The following PFKFB2 variants were observed in gnomAD, a reference collection of about 807,000 sequenced individuals.
The protein encoded by PFKFB2 is 6-phosphofructo-2-kinase/fructose-2,6-biphosphatase 2.
Under a neutral mutation model 68.0 loss-of-function variants are expected in PFKFB2, and 53 were observed. The observed-to-expected ratio is 0.78, with a 90% CI of 0.63 to 0.98. The LOEUF (loss-of-function observed/expected upper bound fraction) is 0.98, where lower values mean the gene tolerates loss of function less well. Ranked by LOEUF, PFKFB2 falls within the 50% of genes least tolerant of loss-of-function variation. PFKFB2 has a pLI of 0.00. For missense variants in PFKFB2, 451 were observed against 642.0 expected, an observed-to-expected ratio of 0.70 and a Z score of 3.22; for synonymous variants, 222 against 227.6, an observed-to-expected ratio of 0.98 and a Z score of 0.22.
chr1:207,050,482 C>T (rs1205875328), upstream of PFKFB2, among the ~76,000 whole-genome samples: 1 of 152,164 alleles, frequency 6.6e-6, no homozygotes, highest in Non-Finnish European at 1.5e-5. Context: ...TTTGGGTTCC[C>T]TTTCAACCCT....
At chr1:207,062,363 C>T (rs1683145234) in intron 3 of PFKFB2, among the ~76,000 whole-genome samples, 1 of 152,190 alleles carries the variant, frequency 6.6e-6, no homozygotes, top group African/African-American at 2.4e-5. Context: ...TCTTATATAA[C>T]CCTAGCAGTG....
At chr1:207,060,321 CA>C (rs1182546314) in intron 2 of PFKFB2, among the ~76,000 whole-genome samples, 1 of 152,208 alleles carries the variant, frequency 6.6e-6, no homozygotes, top group African/African-American at 2.4e-5. Context: ...CTTATCTCTG[CA>C]AATGAGCATT....
intron 8 of PFKFB2, among the ~76,000 whole-genome samples, chr1:207,065,643 C>T (rs1419577720): frequency 9.9e-5 from 15 of 152,112 alleles, no homozygotes; most frequent in African/African-American, 9.7e-5. Flanking sequence ...TGAGTCACTG[C>T]GCCTGGCTGG....
chr1:207,071,211 CCT>C lies in PFKFB2; in HGVS notation c.1250_1251del (p.Leu417ProfsTer19), dbSNP rs1245118179. On this transcript the variant is annotated frameshift_variant, in exon 13 of 15. Transcript: ENST00000367080. LOFTEE classifies it high-confidence loss of function. Reference sequence around the variant, plus strand: ...AGATGAGCTACCATACTTGAGATGCCCTCTCCATACCATCTTCAAACTTACTC... The same window carrying C: ...AGATGAGCTACCATACTTGAGATGCCCTCCATACCATCTTCAAACTTACTC... ...GADELPYLRCPLHTIFKLTPV... is the reference protein window; with the variant it reads ...GADELPYLRCXLHTIFKLTPV... The C allele has an allele frequency of 6.2e-7, 1 of 1,613,836 alleles. No individual in the cohort carries two copies. Among genetic ancestry groups the C allele is most frequent in the Non-Finnish European group, 8.5e-7 (1 of 1,179,728 alleles).
Position 207,061,944 on chromosome 1 carries a change from T to A in PFKFB2, c.86-9T>A. On this transcript the variant is annotated splice_polypyrimidine_tract_variant and intron_variant, in intron 2 of 14. Coordinates refer to ENST00000367080, the MANE Select transcript of PFKFB2 (RefSeq NM_006212.2). ...TCATTTCGTTTTATTTTGTTTCATT[T>A]CCTTCTAGCATGGGCCTCCTACATG... 6.2e-7 allele frequency: 1 copy of A among 1,613,184 alleles called. No homozygotes were observed. Among genetic ancestry groups the A allele is most frequent in the Non-Finnish European group, 8.5e-7 (1 of 1,179,140 alleles).
At chr1:207,064,944 C>G in intron 7 of PFKFB2, 92 bp from the exon 8 acceptor site, 2 of 1,414,376 alleles carry the variant, frequency 1.4e-6, no homozygotes, top group Non-Finnish European at 9.6e-7. Flanking sequence ...CATTTATGGA[C>G]TTCTTTTTCT....
At chr1:207,080,704 T>C (rs1451903409), downstream of PFKFB2, 1 of 68,294 alleles carries the variant, frequency 1.5e-5, no homozygotes, top group Non-Finnish European at 3.8e-5. Context: ...GTTGTCAGGT[T>C]TTTTTTTGTT....
chr1:207,065,152 C>G lies in PFKFB2; in HGVS notation c.624C>G (p.Asn208Lys). Residue 208 changes from asparagine (N) to lysine (K), a missense_variant, in exon 8 of 15, where the codon AAC becomes AAG. Transcript: ENST00000367080. ...CCTACCGACCTCTTGACCCAGACAA[C>G]TATGACAAGTAAGGTTTAAGGCCAT... ...KVTYRPLDPD[N>K]YDKDLSFIKV... 1.2e-6 allele frequency: 2 copies of G among 1,613,824 alleles called. No homozygotes were observed.
intron 1 of PFKFB2, among the ~76,000 whole-genome samples, chr1:207,041,245 T>A (rs961710955): frequency 1.3e-5 from 2 of 151,562 alleles, no homozygotes; most frequent in South Asian, 2.1e-4. Flanking sequence ...TTTTTTTTTT[T>A]AATTATACTT....
chr1:207,054,855 A>T, intron 2 of PFKFB2, 53 bp downstream of exon 2: 2 of 1,255,318 alleles, frequency 1.6e-6, no homozygotes, highest in Non-Finnish European at 1.2e-6. Flanking sequence ...TTATCTTGGG[A>T]ATATAGTTAT....
rs1313030842 is a variant in PFKFB2 at position 207,077,240 on chromosome 1, T to C, written c.*4869T>C. 3 of 985,096 alleles carry C rather than the reference T, an allele frequency of 3.0e-6. No individual in the cohort carries two copies. The highest frequency in any genetic ancestry group is 3.6e-6 in the Non-Finnish European group (3 of 829,766). 61.0% of individuals were successfully genotyped at this position (985,096 alleles called of 1,614,324 possible). A position where few individuals can be genotyped will look rare whatever the true frequency, so the allele number is the denominator to read the frequency against. On this transcript the variant is annotated 3_prime_UTR_variant, in exon 15 of 15. Coordinates refer to ENST00000367080, the MANE Select transcript of PFKFB2 (RefSeq NM_006212.2). ...CCCTGTTCTGAAATGTTGTATTCCATTGGACAGGGCTGCTATTTTTAGTCA... is the reference window on the plus strand; with the variant it reads ...CCCTGTTCTGAAATGTTGTATTCCACTGGACAGGGCTGCTATTTTTAGTCA...
chr1:207,070,402 G>T lies in PFKFB2; in HGVS notation c.1215G>T (p.Lys405Asn). 1 of 1,613,746 alleles carries T rather than the reference G, an allele frequency of 6.2e-7. No individual in the cohort carries two copies. The highest frequency in any genetic ancestry group is 8.5e-7 in the Non-Finnish European group (1 of 1,179,870). Residue 405 changes from lysine (K) to asparagine (N), a missense_variant, in exon 12 of 15, where the codon AAG becomes AAT. Transcript: ENST00000367080. This position sits in a 1 kb window ranked among gnomAD's most constrained non-coding sequence, Gnocchi z 4.2. ...MRCLLAYFLD[K>N]GADELPYLRC... Reference sequence around the variant, plus strand: ...GCCTCCTGGCCTACTTCTTGGATAAGGGCGCAGGTGCCTTTGAGGGAGGGG... The same window carrying T: ...GCCTCCTGGCCTACTTCTTGGATAATGGCGCAGGTGCCTTTGAGGGAGGGG...
Position 207,077,492 on chromosome 1 carries a change from T to C in PFKFB2, c.*5121T>C, listed in dbSNP as rs1280228649. The C allele has an allele frequency of 1.0e-6, 1 of 985,524 alleles. No homozygotes were observed. The highest frequency in any genetic ancestry group is 1.7e-5 in the African/African-American group (1 of 57,220). The allele number at this position is 985,524 out of a possible 1,614,324, so 61.0% of individuals were successfully genotyped here. On this transcript the variant is annotated 3_prime_UTR_variant, in exon 15 of 15. Coordinates refer to ENST00000367080, the MANE Select transcript of PFKFB2 (RefSeq NM_006212.2). ...AGATCAACTTATGCTGGTATGGTGA[T>C]GGTTTTGCTATGGCAAAATCAAAGG...
rs1293211953 is a variant in PFKFB2 at position 207,063,686 on chromosome 1, TG to T, written c.451-85del. The T allele has an allele frequency of 9.2e-7, 1 of 1,088,492 alleles. No homozygotes were observed. Among genetic ancestry groups the T allele is most frequent in the Non-Finnish European group, 1.4e-6 (1 of 702,090 alleles). The allele number at this position is 1,088,492 out of a possible 1,614,324, so 67.4% of individuals were successfully genotyped here. ...ATGAAGAAAATCCTGGGAGATGTGG[TG>T]GCTGGGTGGGGTAGATGAGCATGTG... is the stretch of plus-strand genomic sequence containing the variant. On this transcript the variant is annotated intron_variant, in intron 6 of 14. Transcript: ENST00000367080. This position sits in a 1 kb window ranked among gnomAD's most constrained non-coding sequence, Gnocchi z 4.1.
rs576088154 is a variant in PFKFB2, at chr1:207,064,510, T to C, written c.508-526T>C. Among the ~76,000 whole-genome samples, 6 of 152,338 alleles carry C rather than the reference T, an allele frequency of 3.9e-5. No homozygotes were observed. In the South Asian group the frequency reaches 1.2e-3, roughly 32 times the overall value. ...GTCCAAAGTTCTCGTCAGTGTTCTATACATTGAGCTCCTTATTCCCTGTGG... is the reference window on the plus strand; with the variant it reads ...GTCCAAAGTTCTCGTCAGTGTTCTACACATTGAGCTCCTTATTCCCTGTGG... On this transcript the variant is annotated intron_variant, in intron 7 of 14. Transcript: ENST00000367080.
chr1:207,049,218 CA>C, upstream of PFKFB2: 1 of 1,614,036 alleles, frequency 6.2e-7, no homozygotes. Context: ...AGAAAATGGT[CA>C]GAGGAGGTGT....
At chr1:207,078,975 G>A, downstream of PFKFB2, 2 of 1,612,390 alleles carry the variant, frequency 1.2e-6, no homozygotes, top group East Asian at 2.2e-5. Context: ...CACACTGGCT[G>A]TGCGCAGACG....
Position 207,072,969 on chromosome 1 carries a change from TC to T in PFKFB2, c.*599del, listed in dbSNP as rs1683512902. On this transcript the variant is annotated 3_prime_UTR_variant, in exon 15 of 15. Transcript: ENST00000367080. ...GACAAGTCTGGCCCAGTTAATGCTT[TC>T]TGCAGTGGGTCTAAATGGATCTGGA... is the stretch of plus-strand genomic sequence containing the variant. 1 of 985,720 alleles carries T rather than the reference TC, an allele frequency of 1.0e-6. No individual in the cohort carries two copies. Among genetic ancestry groups the T allele is most frequent in the East Asian group, 1.1e-4 (1 of 8,796 alleles). 61.1% of individuals were successfully genotyped at this position (985,720 alleles called of 1,614,324 possible). A position where few individuals can be genotyped will look rare whatever the true frequency, so the allele number is the denominator to read the frequency against.
rs1252251197 is a variant in PFKFB2, at chr1:207,076,968, A to G, written c.*4597A>G. On this transcript the variant is annotated 3_prime_UTR_variant, in exon 15 of 15. Transcript: ENST00000367080. ...TAAGCACTCCACGTGTTTTCTTTAT[A>G]GGGGAGTTCTGTACACTATGATTTT... is the stretch of plus-strand genomic sequence containing the variant. The G allele has an allele frequency of 4.1e-6, 4 of 981,070 alleles. No homozygotes were observed. Among genetic ancestry groups the G allele is most frequent in the African/African-American group, 1.8e-5 (1 of 57,142 alleles). The allele number at this position is 981,070 out of a possible 1,614,324, so 60.8% of individuals were successfully genotyped here. A position where few individuals can be genotyped will look rare whatever the true frequency, so the allele number is the denominator to read the frequency against.
Sources: gnomAD v4.1 joint callset for allele counts (sites outside exome capture counted in the v4.1 genomes callset) on GRCh38, gnomAD v4.1.1 for gene constraint, Gnocchi (gnomAD v3.1) non-coding constraint, MANE v1.5 for transcripts, NCBI Gene and HGNC (gene_info 2026-07-23, HGNC 2026-07-21) for gene names.